The following FRMD5 variants were observed in gnomAD, a reference collection of about 807,000 sequenced individuals.
The protein encoded by FRMD5 is FERM domain-containing protein 5.
Under a neutral mutation model 69.0 loss-of-function variants are expected in FRMD5, and 20 were observed. The ratio of observed to expected loss-of-function variants is 0.29; its 90% CI spans 0.20 to 0.42. The LOEUF (loss-of-function observed/expected upper bound fraction) is 0.42. FRMD5 is among the 10% of genes least tolerant of loss of function. The pLI is 1.00. For missense variants in FRMD5, 595 were observed against 708.6 expected (o/e 0.84, Z 1.82); for synonymous variants, 271 against 260.1 (o/e 1.04, Z -0.40).
intron 1 of FRMD5, among the ~76,000 whole-genome samples, chr15:44,028,066 T>C (rs1028116110): frequency 6.6e-6 from 1 of 152,112 alleles, no homozygotes; most frequent in African/African-American, 2.4e-5. Context: ...TGTACTCCTC[T>C]CATAGGAGGT....
At chr15:43,933,872 C>A (rs186815184) in intron 1 of FRMD5, among the ~76,000 whole-genome samples, 14 of 152,272 alleles carry the variant, frequency 9.2e-5, no homozygotes, top group African/African-American at 3.4e-4. Context: ...GAAAATAAAG[C>A]CAGCAGTTAT....
intron 1 of FRMD5, among the ~76,000 whole-genome samples, chr15:44,016,720 C>A (rs1336695646): frequency 1.3e-5 from 2 of 151,244 alleles, no homozygotes; most frequent in African/African-American, 4.9e-5. Flanking sequence ...GAGACTCCAT[C>A]TCAAAAACAA....
At chr15:44,141,770 T>C (rs1269746137) in intron 1 of FRMD5, among the ~76,000 whole-genome samples, 1 of 152,204 alleles carries the variant, frequency 6.6e-6, no homozygotes, top group African/African-American at 2.4e-5. Context: ...AGTGCTGTTA[T>C]TAGACTTCTG....
intron 1 of FRMD5, among the ~76,000 whole-genome samples, chr15:44,075,301 C>T (rs967660004): frequency 1.3e-5 from 2 of 152,026 alleles, no homozygotes; most frequent in African/African-American, 4.8e-5. Flanking sequence ...TAGATCTCAA[C>T]TGGAAATTCT....
At chr15:44,065,245 A>G (rs1893260295) in intron 1 of FRMD5, among the ~76,000 whole-genome samples, 1 of 152,238 alleles carries the variant, frequency 6.6e-6, no homozygotes, top group African/African-American at 2.4e-5. Context: ...GATTATCACT[A>G]TTGGTACTAC....
At chr15:43,989,137 G>C in intron 1 of FRMD5, 1 of 985,378 alleles carries the variant, frequency 1.0e-6, no homozygotes, top group Non-Finnish European at 1.6e-6. Context: ...CTGCTGGACG[G>C]TGGACAGCCA....
chr15:43,957,867 T>TA (rs2090139273), intron 1 of FRMD5, among the ~76,000 whole-genome samples: 1 of 152,250 alleles, frequency 6.6e-6, no homozygotes, highest in Admixed American at 6.5e-5. Context: ...CTTGCATACT[T>TA]ACTTAATTTA....
At chr15:43,981,504 G>T (rs543119823) in intron 1 of FRMD5, among the ~76,000 whole-genome samples, 1 of 152,268 alleles carries the variant, frequency 6.6e-6, no homozygotes, top group African/African-American at 2.4e-5. Context: ...TGGAAGGAGA[G>T]GCAGGAGAAG....
chr15:43,913,244 T>A (rs553926562), intron 4 of FRMD5, among the ~76,000 whole-genome samples: 81 of 152,176 alleles, frequency 5.3e-4, no homozygotes, highest in African/African-American at 1.9e-3. Flanking sequence ...TTTCTGGTGA[T>A]AAAACAGCTG....
rs558166531 is a variant in FRMD5 at position 44,070,755 on chromosome 15, C to T, written c.102+124198G>A. On this transcript the variant is annotated intron_variant, in intron 1 of 13. Transcript: ENST00000417257. ...AATCACTCAACAACATTCTTAACATCCTATCCAACCTTTACCTGAACATAG... is the reference window on the plus strand; with the variant it reads ...AATCACTCAACAACATTCTTAACATTCTATCCAACCTTTACCTGAACATAG... Among the ~76,000 whole-genome samples, 280 of 152,318 alleles carry T rather than the reference C, an allele frequency of 1.8e-3. 2 individuals are homozygous for T. The highest frequency in any genetic ancestry group is 6.5e-3 in the African/African-American group (271 of 41,564).
At chr15:44,100,928 A>T (rs2076629491) in intron 1 of FRMD5, among the ~76,000 whole-genome samples, 1 of 152,142 alleles carries the variant, frequency 6.6e-6, no homozygotes, top group Non-Finnish European at 1.5e-5. Flanking sequence ...AGGCAGGTGG[A>T]TCACGAGGTC....
chr15:44,042,499 C>A (rs1892243252), intron 1 of FRMD5, among the ~76,000 whole-genome samples: 1 of 152,170 alleles, frequency 6.6e-6, no homozygotes, highest in Non-Finnish European at 1.5e-5. Flanking sequence ...AGGCCAATAT[C>A]CCTGATGAAC....
At chr15:43,878,435 G>C (rs183179658) in intron 13 of FRMD5, among the ~76,000 whole-genome samples, 1 of 152,108 alleles carries the variant, frequency 6.6e-6, no homozygotes, top group African/African-American at 2.4e-5. Context: ...TTAATTGCTC[G>C]AGAAACTGTT....
intron 1 of FRMD5, among the ~76,000 whole-genome samples, chr15:44,053,816 T>C (rs1274201958): frequency 1.3e-5 from 2 of 152,114 alleles, no homozygotes; most frequent in East Asian, 1.9e-4. Context: ...AAATATAAAT[T>C]TGATATAGTT....
chr15:44,142,157 C>T (rs1284708778), intron 1 of FRMD5, among the ~76,000 whole-genome samples: 1 of 152,068 alleles, frequency 6.6e-6, no homozygotes, highest in African/African-American at 2.4e-5. Flanking sequence ...CATAGAGAAC[C>T]CTAGAGACAT....
chr15:44,157,101 C>A (rs1184639905), intron 1 of FRMD5, among the ~76,000 whole-genome samples: 1 of 152,146 alleles, frequency 6.6e-6, no homozygotes, highest in Non-Finnish European at 1.5e-5. Context: ...ATTATGATTA[C>A]AAGCTACATA....
intron 1 of FRMD5, among the ~76,000 whole-genome samples, chr15:44,152,162 T>C (rs768089409): frequency 6.6e-5 from 10 of 152,142 alleles, no homozygotes; most frequent in Non-Finnish European, 1.2e-4. Context: ...TGAGCTGAGA[T>C]TGCGCCACTG....
intron 1 of FRMD5, among the ~76,000 whole-genome samples, chr15:44,008,810 A>G (rs1890578560): frequency 1.3e-5 from 2 of 151,612 alleles, no homozygotes; most frequent in Non-Finnish European, 2.9e-5. Flanking sequence ...GCAGATCACC[A>G]GGTCAGAAGA....
At chr15:44,158,026 C>T (rs1319596090) in intron 1 of FRMD5, among the ~76,000 whole-genome samples, 1 of 152,040 alleles carries the variant, frequency 6.6e-6, no homozygotes, top group Non-Finnish European at 1.5e-5. Flanking sequence ...GAGCATCTGG[C>T]GGAACTGGAT....
Sources: gnomAD v4.1 joint callset for allele counts (sites outside exome capture counted in the v4.1 genomes callset) on GRCh38, gnomAD v4.1.1 for gene constraint, MANE v1.5 for transcripts, NCBI Gene and HGNC (gene_info 2026-07-23, HGNC 2026-07-21) for gene names.